The following KLHDC8A variants were observed in gnomAD, a reference collection of about 807,000 sequenced individuals.
KLHDC8A encodes kelch domain containing 8A.
Under a neutral mutation model 33.1 loss-of-function variants are expected in KLHDC8A, and 21 were observed. The observed-to-expected ratio is 0.64, with a 90% CI of 0.45 to 0.91. The LOEUF is 0.91. KLHDC8A is among the 40% of genes least tolerant of loss of function. The probability of loss-of-function intolerance (pLI) is 0.00; values close to 1 mark genes in which losing one functional copy is unlikely to be tolerated. For synonymous variants in KLHDC8A, 173 were observed against 193.5 expected (o/e 0.89, Z 0.88); for missense variants, 435 against 483.3 (o/e 0.90, Z 0.94).
rs1662715933 is a variant in KLHDC8A, at chr1:205,339,138, G to A, written c.757+56C>T. ...CTGGAATAGGGGTAAGGGATGGGGA[G>A]CCAGCCAGAAGGGCAGTGGGCAGCC... On this transcript the variant is annotated intron_variant, in intron 4 of 5. Transcript: ENST00000367155. This position sits in a 1 kb window ranked among gnomAD's most constrained non-coding sequence, Gnocchi z 5.1. 1 of 1,467,786 alleles carries A rather than the reference G, an allele frequency of 6.8e-7. No homozygotes were observed. Among genetic ancestry groups the A allele is most frequent in the Non-Finnish European group, 9.5e-7 (1 of 1,054,506 alleles). The allele number at this position is 1,467,786 out of a possible 1,614,324, so 90.9% of individuals were successfully genotyped here. A position where few individuals can be genotyped will look rare whatever the true frequency, so the allele number is the denominator to read the frequency against.
chr1:205,339,952 G>T lies in KLHDC8A; in HGVS notation c.377-144C>A. ...GAGTCATATCTGTATCAGTGTGGTT[G>T]ATAGCACCATTCAAAGAAGTTCCTG... On this transcript the variant is annotated intron_variant, in intron 2 of 5. Transcript: ENST00000367155. This position sits in a 1 kb window ranked among gnomAD's most constrained non-coding sequence, Gnocchi z 5.1. The T allele has an allele frequency of 1.7e-6, 1 of 581,972 alleles. No homozygotes were observed. Among genetic ancestry groups the T allele is most frequent in the Non-Finnish European group, 2.9e-6 (1 of 344,568 alleles). The allele number at this position is 581,972 out of a possible 1,614,324, so 36.1% of individuals were successfully genotyped here. A position where few individuals can be genotyped will look rare whatever the true frequency, so the allele number is the denominator to read the frequency against.
At chr1:205,356,136 G>A (rs999177486) in intron 1 of KLHDC8A, among the ~76,000 whole-genome samples, 5 of 135,026 alleles carry the variant, frequency 3.7e-5, no homozygotes, top group Non-Finnish European at 7.7e-5. Flanking sequence ...CCATCTTGAT[G>A]TCCATCTGCA....
chr1:205,350,941 C>T (rs1425286883), intron 1 of KLHDC8A, among the ~76,000 whole-genome samples: 1 of 152,224 alleles, frequency 6.6e-6, no homozygotes, highest in East Asian at 1.9e-4. Flanking sequence ...ACCCACAGTC[C>T]AGCCCCATGG....
At chr1:205,351,966 G>T (rs1663125377) in intron 1 of KLHDC8A, among the ~76,000 whole-genome samples, 1 of 151,628 alleles carries the variant, frequency 6.6e-6, no homozygotes, top group South Asian at 2.1e-4. Flanking sequence ...CTCCTTCCTT[G>T]CCTCCCTCCT....
Position 205,337,108 on chromosome 1 carries a change from G to T in KLHDC8A, c.*291C>A. 1 of 402,346 alleles carries T rather than the reference G, an allele frequency of 2.5e-6. No individual in the cohort carries two copies. Among genetic ancestry groups the T allele is most frequent in the Non-Finnish European group, 4.6e-6 (1 of 219,700 alleles). The allele number at this position is 402,346 out of a possible 1,614,324, so 24.9% of individuals were successfully genotyped here. On this transcript the variant is annotated 3_prime_UTR_variant, in exon 6 of 6. Transcript: ENST00000367155. ...GTGGGGGGAGGTGGGACTCACAGGA[G>T]GGAGAGGTAGGAAATATTCCTGTGC...
intron 2 of KLHDC8A, among the ~76,000 whole-genome samples, chr1:205,342,703 C>G (rs1195828972): frequency 3.3e-5 from 5 of 152,164 alleles, no homozygotes; most frequent in Non-Finnish European, 7.4e-5. Flanking sequence ...TGTGTTTTAG[C>G]AAAAGAGCTT....
At chr1:205,349,132 C>T (rs961669892) in intron 1 of KLHDC8A, among the ~76,000 whole-genome samples, 11 of 152,190 alleles carry the variant, frequency 7.2e-5, no homozygotes, top group East Asian at 1.9e-4. Context: ...TTAGAGCTCA[C>T]GTGGACTTGA....
At chr1:205,347,735 T>C (rs1359445804) in intron 1 of KLHDC8A, among the ~76,000 whole-genome samples, 2 of 152,074 alleles carry the variant, frequency 1.3e-5, no homozygotes, top group Admixed American at 6.6e-5. Flanking sequence ...AAGTGTTTCA[T>C]TTTTCCCCTT....
At chr1:205,341,981 T>C (rs1662805730) in intron 2 of KLHDC8A, among the ~76,000 whole-genome samples, 1 of 152,182 alleles carries the variant, frequency 6.6e-6, no homozygotes, top group Non-Finnish European at 1.5e-5. Flanking sequence ...CTGTAGGCCG[T>C]TGAGAATTTG....
chr1:205,339,893 C>T lies in KLHDC8A; in HGVS notation c.377-85G>A. On this transcript the variant is annotated intron_variant, in intron 2 of 5. Coordinates refer to ENST00000367155, the MANE Select transcript of KLHDC8A (RefSeq NM_018203.3). This position sits in a 1 kb window ranked among gnomAD's most constrained non-coding sequence, Gnocchi z 5.1. ...ACCAGCATCTATTGCCTCCCATGGC[C>T]AGGCCAAGCTTTCAACCACTGCTCA... 2 of 1,322,096 alleles carry T rather than the reference C, an allele frequency of 1.5e-6. No individual in the cohort carries two copies. Among genetic ancestry groups the T allele is most frequent in the Non-Finnish European group, 2.1e-6 (2 of 954,496 alleles). The allele number at this position is 1,322,096 out of a possible 1,614,324, so 81.9% of individuals were successfully genotyped here.
rs1485450689 is a variant in KLHDC8A, at chr1:205,356,661, G to C, written c.-318C>G. 1 of 450,700 alleles carries C rather than the reference G, an allele frequency of 2.2e-6. No homozygotes were observed. The highest frequency in any genetic ancestry group is 2.0e-5 in the African/African-American group (1 of 49,948). 27.9% of individuals were successfully genotyped at this position (450,700 alleles called of 1,614,324 possible). On this transcript the variant is annotated 5_prime_UTR_variant, in exon 1 of 6. Transcript: ENST00000367155. ...CTAGGAGCTGGCTGGGAATAGAGTC[G>C]GCAAGGTCCCCAGGGTCCCCAGGGC...
chr1:205,337,393 A>G lies in KLHDC8A; in HGVS notation c.*6T>C. 2 of 1,610,298 alleles carry G rather than the reference A, an allele frequency of 1.2e-6. No individual in the cohort carries two copies. Among genetic ancestry groups the G allele is most frequent in the South Asian group, 1.1e-5 (1 of 90,956 alleles). On this transcript the variant is annotated 3_prime_UTR_variant, in exon 6 of 6. Coordinates refer to ENST00000367155, the MANE Select transcript of KLHDC8A (RefSeq NM_018203.3). The stretch of plus-strand genomic sequence containing the variant: ...TCCAGGGCAAAGGTACTGAGCCCAG[A>G]GACAGCTAGGAGTCAGAGACACACA...
At chr1:205,343,011 T>C (rs1662831400) in intron 2 of KLHDC8A, among the ~76,000 whole-genome samples, 1 of 152,028 alleles carries the variant, frequency 6.6e-6, no homozygotes, top group Non-Finnish European at 1.5e-5. Flanking sequence ...GGACCCCAAA[T>C]AGGTGTCTGG....
At position 205,339,065 on chromosome 1, in the gene KLHDC8A, A is replaced by T; in HGVS notation, c.757+129T>A. On this transcript the variant is annotated intron_variant, in intron 4 of 5. Coordinates refer to ENST00000367155, the MANE Select transcript of KLHDC8A (RefSeq NM_018203.3). The surrounding 1 kb of genome is among the most constrained non-coding windows in gnomAD (Gnocchi z 5.1). ...TAGCCCTGAGTGGAGAGGGGTGCTG[A>T]GACTTCTGAGAAGCTTGCCCAGCTG... 5.7e-6 allele frequency: 4 copies of T among 696,934 alleles called. No individual in the cohort carries two copies. The South Asian group carries it at 7.3e-5, about 13-fold the overall frequency. 43.2% of individuals were successfully genotyped at this position (696,934 alleles called of 1,614,324 possible).
intron 1 of KLHDC8A, among the ~76,000 whole-genome samples, chr1:205,354,215 T>C (rs1663200090): frequency 6.6e-6 from 1 of 152,258 alleles, no homozygotes. Context: ...ATCTCCCTTT[T>C]CTTGCCTCTT....
Position 205,343,075 on chromosome 1 carries a change from G to A in KLHDC8A, c.376+154C>T, listed in dbSNP as rs903109616. Among the ~76,000 whole-genome samples the A allele has an allele frequency of 3.3e-5, 5 of 152,106 alleles. No homozygotes were observed. In the South Asian group the frequency reaches 8.3e-4, roughly 25 times the overall value. On this transcript the variant is annotated intron_variant, in intron 2 of 5. Transcript: ENST00000367155. The stretch of plus-strand genomic sequence containing the variant: ...GTTTCAGGGGCTGGGGTGTGGCGGC[G>A]GGAGGTGCAGGCATTTTGCTGAACG...
At chr1:205,353,783 T>C (rs1473268995) in intron 1 of KLHDC8A, among the ~76,000 whole-genome samples, 1 of 152,172 alleles carries the variant, frequency 6.6e-6, no homozygotes, top group East Asian at 1.9e-4. Context: ...GAAACAAACA[T>C]TTTGAGGGCC....
At chr1:205,342,328 T>G (rs1242921246) in intron 2 of KLHDC8A, among the ~76,000 whole-genome samples, 1 of 152,216 alleles carries the variant, frequency 6.6e-6, no homozygotes, top group African/African-American at 2.4e-5. Context: ...AGGCCTTCCA[T>G]CCTTCTTACT....
At chr1:205,353,797 G>T (rs764615804) in intron 1 of KLHDC8A, among the ~76,000 whole-genome samples, 1 of 152,196 alleles carries the variant, frequency 6.6e-6, no homozygotes, top group African/African-American at 2.4e-5. Flanking sequence ...GAGGGCCCTT[G>T]TTGTATACCA....
Sources: allele counts gnomAD v4.1 joint callset (sites outside exome capture counted in the v4.1 genomes callset), GRCh38; gene constraint gnomAD v4.1.1; non-coding constraint Gnocchi (gnomAD v3.1); transcripts MANE v1.5; gene names NCBI Gene and HGNC (gene_info 2026-07-23, HGNC 2026-07-21).